The following BNC2 variants were observed in gnomAD, a reference collection of about 807,000 sequenced individuals.
The protein encoded by BNC2 is zinc finger protein basonuclin-2.
In BNC2, 20 loss-of-function variants were observed where a neutral mutation model predicts 76.3. The observed-to-expected ratio is 0.26, with a 90% CI of 0.18 to 0.38. BNC2 has a LOEUF of 0.38. Among genes scored for constraint, BNC2 ranks in the 10% least tolerant of loss-of-function variants. BNC2 has a pLI of 1.00. For missense variants in BNC2, 1,382 were observed against 1,399.8 expected (o/e 0.99, Z 0.20); for synonymous variants, 582 against 514.8 (o/e 1.13, Z -1.77).
chr9:16,646,046 C>G (rs1323690843), intron 3 of BNC2, among the ~76,000 whole-genome samples: 1 of 152,216 alleles, frequency 6.6e-6, no homozygotes, highest in Non-Finnish European at 1.5e-5. Flanking sequence ...AGAATCCTCA[C>G]TTGTACACAG....
At chr9:16,803,018 C>G (rs1210366709) in intron 1 of BNC2, among the ~76,000 whole-genome samples, 2 of 152,278 alleles carry the variant, frequency 1.3e-5, no homozygotes, top group East Asian at 3.9e-4. Flanking sequence ...ATATTCTCCC[C>G]AAGTGTCTCT....
intron 3 of BNC2, among the ~76,000 whole-genome samples, chr9:16,601,483 G>T (rs961770293): frequency 2.6e-5 from 4 of 152,118 alleles, no homozygotes; most frequent in African/African-American, 9.7e-5. Flanking sequence ...GAATCCCCTG[G>T]GACATTGCAA....
At chr9:16,453,301 C>A (rs1412926997) in intron 5 of BNC2, among the ~76,000 whole-genome samples, 3 of 152,278 alleles carry the variant, frequency 2.0e-5, no homozygotes, top group Non-Finnish European at 4.4e-5. Flanking sequence ...ATTTTCGAAG[C>A]CATGATTCAA....
intron 6 of BNC2, among the ~76,000 whole-genome samples, chr9:16,427,996 T>G (rs1820833553): frequency 6.6e-6 from 1 of 152,196 alleles, no homozygotes; most frequent in Non-Finnish European, 1.5e-5. Context: ...TTTTTTATGG[T>G]ACTGTCATAC....
In BNC2 at chr9:16,790,056, G is replaced by C. The variant is rs143337387; in HGVS notation, c.4-51571C>G. The stretch of plus-strand genomic sequence containing the variant: ...GCTCTGTCGCCTAGGCTGGAGTGCA[G>C]TGGCGCGATCTCGGCTCACTGCAAG... On this transcript the variant is annotated intron_variant, in intron 1 of 6. Transcript: ENST00000380672. Among the ~76,000 whole-genome samples, 1,028 of 152,298 alleles carry C rather than the reference G, an allele frequency of 6.7e-3. 12 individuals are homozygous for C. Among genetic ancestry groups the C allele is most frequent in the African/African-American group, 0.023 (956 of 41,556 alleles).
chr9:16,727,510 TAA>T (rs1824374527), intron 3 of BNC2: 2 of 366,324 alleles, frequency 5.5e-6, no homozygotes, highest in South Asian at 1.0e-4. Context: ...AGAAATAAAT[TAA>T]GTCTTCCCCT....
At chr9:16,652,644 A>G (rs993618259) in intron 3 of BNC2, among the ~76,000 whole-genome samples, 4 of 152,186 alleles carry the variant, frequency 2.6e-5, no homozygotes, top group Admixed American at 6.6e-5. Flanking sequence ...CTAAGTGCAC[A>G]TGATATCATC....
At chr9:16,490,560 G>A (rs943106533) in intron 5 of BNC2, among the ~76,000 whole-genome samples, 20 of 152,050 alleles carry the variant, frequency 1.3e-4, no homozygotes, top group African/African-American at 4.1e-4. Context: ...CATATCAGAC[G>A]TCTATGTATC....
chr9:16,738,728 G>A (rs974881765), intron 1 of BNC2, among the ~76,000 whole-genome samples: 1 of 152,078 alleles, frequency 6.6e-6, no homozygotes, highest in African/African-American at 2.4e-5. Flanking sequence ...ATACACTTTT[G>A]CCCTGCCTAG....
intron 1 of BNC2, among the ~76,000 whole-genome samples, chr9:16,829,000 G>A (rs1281550694): frequency 6.6e-6 from 1 of 152,120 alleles, no homozygotes; most frequent in Non-Finnish European, 1.5e-5. Context: ...GGGGGCGGCG[G>A]GGTGGGCTGG....
rs376449398 is a variant in BNC2 at position 16,416,006 on chromosome 9, G to A, written c.*2983C>T. The A allele has an allele frequency of 8.5e-4, 129 of 152,200 alleles. No individual in the cohort carries two copies. Among genetic ancestry groups the A allele is most frequent in the African/African-American group, 3.0e-3 (124 of 41,530 alleles). The allele number at this position is 152,200 out of a possible 1,614,324, so 9.4% of individuals were successfully genotyped here. A position where few individuals can be genotyped will look rare whatever the true frequency, so the allele number is the denominator to read the frequency against. On this transcript the variant is annotated 3_prime_UTR_variant, in exon 7 of 7. Transcript: ENST00000380672. Reference sequence around the variant, plus strand: ...CTACTTCTAGAATCTCATTACTTCTGGACTTTTTCTAACTGGCTATACACA... The same window carrying A: ...CTACTTCTAGAATCTCATTACTTCTAGACTTTTTCTAACTGGCTATACACA...
chr9:16,660,944 C>G (rs1183280194), intron 3 of BNC2, among the ~76,000 whole-genome samples: 4 of 152,150 alleles, frequency 2.6e-5, no homozygotes, highest in Non-Finnish European at 5.9e-5. Flanking sequence ...AAACCGTCCT[C>G]AAATTTTGGT....
intron 5 of BNC2, among the ~76,000 whole-genome samples, chr9:16,513,920 C>T (rs1587118719): frequency 6.6e-6 from 1 of 152,098 alleles, no homozygotes; most frequent in African/African-American, 2.4e-5. Flanking sequence ...ACCCTACGCT[C>T]GTGTTTATGC....
Position 16,417,124 on chromosome 9 carries a change from T to G in BNC2, c.*1865A>C, listed in dbSNP as rs1227679358. On this transcript the variant is annotated 3_prime_UTR_variant, in exon 7 of 7. Coordinates refer to ENST00000380672, the MANE Select transcript of BNC2 (RefSeq NM_017637.6). ...AAAATATTCCTTGTTTATCTCTTCT[T>G]TTCCCCTCCACTTAAAAAAAAAGGA... is the stretch of plus-strand genomic sequence containing the variant. 6.6e-6 allele frequency: 1 copy of G among 151,968 alleles called. No homozygotes were observed. The highest frequency in any genetic ancestry group is 2.4e-5 in the African/African-American group (1 of 41,066). The allele number at this position is 151,968 out of a possible 1,614,324, so 9.4% of individuals were successfully genotyped here. A position where few individuals can be genotyped will look rare whatever the true frequency, so the allele number is the denominator to read the frequency against.
At chr9:16,570,521 A>T (rs1008089277) in intron 4 of BNC2, among the ~76,000 whole-genome samples, 1 of 152,202 alleles carries the variant, frequency 6.6e-6, no homozygotes, top group Non-Finnish European at 1.5e-5. Flanking sequence ...ACTGCTTTGT[A>T]TCAGTAACCG....
intron 3 of BNC2, among the ~76,000 whole-genome samples, chr9:16,666,554 C>T (rs1822297601): frequency 6.6e-6 from 1 of 152,192 alleles, no homozygotes; most frequent in African/African-American, 2.4e-5. Context: ...ACACAGTAAA[C>T]AACATCTAAG....
At chr9:16,730,688 C>T (rs976628455) in intron 2 of BNC2, among the ~76,000 whole-genome samples, 7 of 152,134 alleles carry the variant, frequency 4.6e-5, no homozygotes, top group Non-Finnish European at 7.3e-5. Flanking sequence ...ATATCATGGA[C>T]TGAGGTGGCC....
chr9:16,457,632 G>C (rs900407338), intron 5 of BNC2, among the ~76,000 whole-genome samples: 1 of 152,182 alleles, frequency 6.6e-6, no homozygotes. Flanking sequence ...TGTGGGAGTG[G>C]TCACGTAGGC....
In BNC2 at chr9:16,728,007, G is replaced by T. The variant is rs927715992; in HGVS notation, c.130-10C>A. ...CTTCTGCCTCTTCTGACTGAAAAGT[G>T]AAGGTGGATTTTTTGAGCCTCTTGG... On this transcript the variant is annotated splice_polypyrimidine_tract_variant and intron_variant, in intron 2 of 6. Coordinates refer to ENST00000380672, the MANE Select transcript of BNC2 (RefSeq NM_017637.6). The T allele has an allele frequency of 1.2e-6, 2 of 1,609,250 alleles. No individual in the cohort carries two copies. The highest frequency in any genetic ancestry group is 2.7e-5 in the African/African-American group (2 of 74,618).
Sources: gnomAD v4.1 joint callset for allele counts (sites outside exome capture counted in the v4.1 genomes callset) on GRCh38, gnomAD v4.1.1 for gene constraint, MANE v1.5 for transcripts, NCBI Gene and HGNC (gene_info 2026-07-23, HGNC 2026-07-21) for gene names.